The following CCBE1 variants were observed in gnomAD, a reference collection of about 807,000 sequenced individuals.
CCBE1 encodes the protein collagen and calcium-binding EGF domain-containing protein 1.
Under a neutral mutation model 50.0 loss-of-function variants are expected in CCBE1, and 37 were observed. That is an observed-to-expected ratio of 0.74 (90% confidence interval 0.57 to 0.97). The LOEUF (loss-of-function observed/expected upper bound fraction) is 0.97, where lower values mean the gene tolerates loss of function less well. CCBE1 is among the 50% of genes least tolerant of loss of function. CCBE1 has a pLI of 0.00. For synonymous variants in CCBE1, 234 were observed against 203.7 expected (o/e 1.15, Z -1.27); for missense variants, 538 against 523.8 (o/e 1.03, Z -0.26).
chr18:59,632,203 A>G (rs1568243842), intron 2 of CCBE1, among the ~76,000 whole-genome samples: 1 of 152,188 alleles, frequency 6.6e-6, no homozygotes, highest in Non-Finnish European at 1.5e-5. Context: ...AAATGGCACA[A>G]TGGCCTCAGG....
At chr18:59,607,877 A>T (rs1445395411) in intron 2 of CCBE1, among the ~76,000 whole-genome samples, 2 of 152,232 alleles carry the variant, frequency 1.3e-5, no homozygotes, top group Non-Finnish European at 2.9e-5. Context: ...GAGTCACGTG[A>T]GGTCAAGACC....
chr18:59,574,103 C>T (rs2144493018), intron 2 of CCBE1, among the ~76,000 whole-genome samples: 1 of 152,264 alleles, frequency 6.6e-6, no homozygotes, highest in South Asian at 2.1e-4. Context: ...CACCCAGGTG[C>T]CCAGTAACTC....
intron 7 of CCBE1, among the ~76,000 whole-genome samples, chr18:59,447,254 A>G (rs1205371750): frequency 6.6e-6 from 1 of 152,194 alleles, no homozygotes; most frequent in Non-Finnish European, 1.5e-5. Context: ...TTCTAGTCAT[A>G]TGGAGTTCTA....
In CCBE1 at chr18:59,439,664, A is replaced by C; in HGVS notation, c.915+13T>G. ...CCCCCAAAAAGGAAGTGGATCTCTG[A>C]TAAGATACTGACCACAGGGCCCCTC... On this transcript the variant is annotated intron_variant, in intron 8 of 10. Transcript: ENST00000439986. 1 of 1,614,246 alleles carries C rather than the reference A, an allele frequency of 6.2e-7. No homozygotes were observed. The highest frequency in any genetic ancestry group is 8.5e-7 in the Non-Finnish European group (1 of 1,180,038).
intron 2 of CCBE1, among the ~76,000 whole-genome samples, chr18:59,612,321 GA>G (rs1157173764): frequency 2.4e-4 from 25 of 106,220 alleles, no homozygotes; most frequent in African/African-American, 5.6e-4. Flanking sequence ...AAAAAGGGAA[GA>G]AAAAAAAGAA....
chr18:59,490,796 T>G (rs1485965905), intron 2 of CCBE1, among the ~76,000 whole-genome samples: 3 of 152,236 alleles, frequency 2.0e-5, no homozygotes, highest in African/African-American at 7.2e-5. Flanking sequence ...TAATTTTACT[T>G]TTTTCACCTA....
chr18:59,440,834 C>T (rs778167513), intron 7 of CCBE1, among the ~76,000 whole-genome samples: 3 of 152,272 alleles, frequency 2.0e-5, no homozygotes, highest in Non-Finnish European at 4.4e-5. Context: ...CGTTGCCCCA[C>T]AACTCTAGCA....
intron 4 of CCBE1, among the ~76,000 whole-genome samples, chr18:59,467,190 A>G (rs906090408): frequency 6.6e-5 from 10 of 152,242 alleles, no homozygotes; most frequent in Admixed American, 3.3e-4. Context: ...TTACAGAACA[A>G]TAACAATGAA....
At chr18:59,455,298 A>T in intron 5 of CCBE1, 1 of 385,570 alleles carries the variant, frequency 2.6e-6, no homozygotes, top group East Asian at 6.4e-5. Flanking sequence ...CATGATTTAT[A>T]CTCCCCTTAA....
At chr18:59,592,936 C>A (rs1325114988) in intron 2 of CCBE1, among the ~76,000 whole-genome samples, 1 of 151,944 alleles carries the variant, frequency 6.6e-6, no homozygotes, top group Non-Finnish European at 1.5e-5. Context: ...AGGAAACCTG[C>A]AGATTAAAAA....
chr18:59,583,902 G>A (rs1212149382), intron 2 of CCBE1, among the ~76,000 whole-genome samples: 1 of 152,070 alleles, frequency 6.6e-6, no homozygotes, highest in Non-Finnish European at 1.5e-5. Context: ...ACTGCTGGTG[G>A]GACTGTAAAC....
chr18:59,667,279 AAAAT>A (rs779809214), intron 2 of CCBE1, among the ~76,000 whole-genome samples: 13 of 152,330 alleles, frequency 8.5e-5, no homozygotes, highest in South Asian at 4.1e-4. Context: ...AAAACATTAA[AAAAT>A]AAATAAATAA....
intron 2 of CCBE1, among the ~76,000 whole-genome samples, chr18:59,661,528 G>A (rs1262886030): frequency 6.6e-6 from 1 of 150,494 alleles, no homozygotes; most frequent in Non-Finnish European, 1.5e-5. Flanking sequence ...TATTCTAGAA[G>A]GTAACCTCAG....
intron 2 of CCBE1, among the ~76,000 whole-genome samples, chr18:59,560,164 G>A (rs965932447): frequency 2.0e-5 from 3 of 152,236 alleles, no homozygotes; most frequent in African/African-American, 7.2e-5. Flanking sequence ...AAGCCCTACA[G>A]GTAGTTAGCC....
intron 2 of CCBE1, among the ~76,000 whole-genome samples, chr18:59,583,248 G>A (rs1400019111): frequency 1.4e-5 from 2 of 143,308 alleles, no homozygotes; most frequent in Non-Finnish European, 3.1e-5. Flanking sequence ...TTAATTGTAA[G>A]CCCACAGAAA....
intron 6 of CCBE1, among the ~76,000 whole-genome samples, chr18:59,454,383 T>C (rs1911081124): frequency 6.6e-6 from 1 of 152,162 alleles, no homozygotes; most frequent in African/African-American, 2.4e-5. Context: ...TAGCTGGGAT[T>C]ACAGGTGCCC....
chr18:59,475,410 A>T (rs1912259679), intron 3 of CCBE1, among the ~76,000 whole-genome samples: 1 of 152,230 alleles, frequency 6.6e-6, no homozygotes. Context: ...ATATCCCTTG[A>T]GACTTTTCTA....
chr18:59,576,551 G>A (rs2052999658), intron 2 of CCBE1, among the ~76,000 whole-genome samples: 1 of 152,202 alleles, frequency 6.6e-6, no homozygotes, highest in African/African-American at 2.4e-5. Flanking sequence ...GTGGACAAAG[G>A]CATAAGACTA....
chr18:59,527,252 G>T lies in CCBE1; in HGVS notation c.213-47014C>A, dbSNP rs545487012. ...ATTGAACCCTTTACCATTATGTAAT[G>T]CCCTTTGTCTTTTTTTCTTTTTTTA... On this transcript the variant is annotated intron_variant, in intron 2 of 10. Coordinates refer to ENST00000439986, the MANE Select transcript of CCBE1 (RefSeq NM_133459.4). 1.4e-4 allele frequency among the ~76,000 whole-genome samples: 22 copies of T among 152,272 alleles called. 1 individual carries two copies. The South Asian group carries it at 4.4e-3, about 30-fold the overall frequency.
Sources: gnomAD v4.1 joint callset for allele counts (sites outside exome capture counted in the v4.1 genomes callset) on GRCh38, gnomAD v4.1.1 for gene constraint, MANE v1.5 for transcripts, NCBI Gene and HGNC (gene_info 2026-07-23, HGNC 2026-07-21) for gene names.